Variants in NCKAP5 observed in about 807,000 individuals in gnomAD.
The protein encoded by NCKAP5 is NCK associated protein 5.
A neutral mutation model predicts 167.0 loss-of-function variants in NCKAP5; 92 were observed. The observed-to-expected ratio is 0.55, with a 90% CI of 0.47 to 0.66. NCKAP5 has a LOEUF of 0.66. NCKAP5 is among the 30% of genes least tolerant of loss of function. The pLI is 0.00. For missense variants in NCKAP5, 2,378 were observed against 2,315.0 expected, an observed-to-expected ratio of 1.03 and a Z score of -0.56; for synonymous variants, 891 against 877.4, an observed-to-expected ratio of 1.02 and a Z score of -0.27.
At chr2:133,470,306 T>G (rs957215085) in intron 3 of NCKAP5, among the ~76,000 whole-genome samples, 1 of 152,002 alleles carries the variant, frequency 6.6e-6, no homozygotes, top group African/African-American at 2.4e-5. Flanking sequence ...GGGGGGTGCC[T>G]CCCAGTTAGG....
intron 3 of NCKAP5, among the ~76,000 whole-genome samples, chr2:133,358,138 AT>A (rs1220789550): frequency 6.6e-6 from 1 of 152,058 alleles, no homozygotes; most frequent in Non-Finnish European, 1.5e-5. Context: ...ACATTTTATT[AT>A]TTGCTGCATT....
intron 8 of NCKAP5, among the ~76,000 whole-genome samples, chr2:132,908,962 A>G (rs756406953): frequency 6.6e-6 from 1 of 152,230 alleles, no homozygotes; most frequent in Non-Finnish European, 1.5e-5. Flanking sequence ...GAACAGTGTC[A>G]TAAGTTAAGT....
intron 3 of NCKAP5, among the ~76,000 whole-genome samples, chr2:133,459,715 C>T (rs571364320): frequency 2.6e-5 from 4 of 152,142 alleles, no homozygotes; most frequent in African/African-American, 9.7e-5. Flanking sequence ...CTAATCATTA[C>T]AGACAGCTTT....
At chr2:132,994,004 C>A (rs1286695967) in intron 7 of NCKAP5, 148 bp downstream of exon 7, 1 of 536,970 alleles carries the variant, frequency 1.9e-6, no homozygotes, top group African/African-American at 1.9e-5. Flanking sequence ...GTGTATGATT[C>A]CTCAAAACAG....
chr2:133,599,328 G>A, the NCKAP5 span, among the ~76,000 whole-genome samples: 3 of 152,226 alleles, frequency 2.0e-5, no homozygotes, highest in Non-Finnish European at 4.4e-5. Context: ...GAGGGGAAGA[G>A]TACGGAGATC....
At chr2:133,432,959 T>C (rs1416841194) in intron 3 of NCKAP5, among the ~76,000 whole-genome samples, 1 of 152,212 alleles carries the variant, frequency 6.6e-6, no homozygotes, top group Non-Finnish European at 1.5e-5. Flanking sequence ...ATATGTTAGA[T>C]TCCCAAAAGG....
At position 132,782,634 on chromosome 2, in the gene NCKAP5, G is replaced by C; in HGVS notation, c.4177C>G (p.Gln1393Glu). Reference sequence around the variant, plus strand: ...ACATTGGCACTGGGGCACTCTCCCTGGGTGAAGGCCTGCTGGTCTTCCTTT... The same window carrying C: ...ACATTGGCACTGGGGCACTCTCCCTCGGTGAAGGCCTGCTGGTCTTCCTTT... Reference protein sequence around the residue: ...PGKEDQQAFTQGECPSANVAV... With the variant: ...PGKEDQQAFTEGECPSANVAV... Residue 1393 changes from glutamine (Q) to glutamate (E), a missense_variant, in exon 14 of 20, where the codon CAG becomes GAG. This residue lies in a region of NCKAP5 where 1,325 missense variants were observed against 1,274.5 expected (regional missense o/e 1.04). Coordinates refer to ENST00000409261, the MANE Select transcript of NCKAP5 (RefSeq NM_207363.3). 1 of 1,605,820 alleles carries C rather than the reference G, an allele frequency of 6.2e-7. No individual in the cohort carries two copies. Among genetic ancestry groups the C allele is most frequent in the Non-Finnish European group, 8.5e-7 (1 of 1,175,956 alleles).
chr2:133,091,123 T>C (rs908233531), intron 6 of NCKAP5, among the ~76,000 whole-genome samples: 3 of 152,208 alleles, frequency 2.0e-5, no homozygotes, highest in Non-Finnish European at 4.4e-5. Flanking sequence ...CCTTCTGCCA[T>C]GATTGTGAGT....
At chr2:132,836,960 C>T (rs1687936020) in intron 11 of NCKAP5, among the ~76,000 whole-genome samples, 1 of 152,198 alleles carries the variant, frequency 6.6e-6, no homozygotes, top group Admixed American at 6.5e-5. Flanking sequence ...AGAAAAGGGA[C>T]ATGGGTGATT....
intron 4 of NCKAP5, among the ~76,000 whole-genome samples, chr2:133,219,668 A>C: frequency 6.6e-6 from 1 of 151,988 alleles, no homozygotes; most frequent in East Asian, 1.9e-4. Flanking sequence ...AAATATTTCA[A>C]GTCCTTGTGT....
chr2:132,771,594 C>A (rs1682052558), intron 16 of NCKAP5, among the ~76,000 whole-genome samples: 1 of 152,044 alleles, frequency 6.6e-6, no homozygotes. Flanking sequence ...TCACTCACCA[C>A]TCACTAACTA....
At chr2:133,129,623 G>T (rs1051394151) in intron 6 of NCKAP5, among the ~76,000 whole-genome samples, 7 of 152,072 alleles carry the variant, frequency 4.6e-5, no homozygotes, top group Non-Finnish European at 7.4e-5. Flanking sequence ...TAATGGGATG[G>T]CTGGGTCAAA....
chr2:132,792,935 A>G (rs1684187351), intron 12 of NCKAP5, among the ~76,000 whole-genome samples: 1 of 152,222 alleles, frequency 6.6e-6, no homozygotes, highest in African/African-American at 2.4e-5. Flanking sequence ...AGGACTCAGA[A>G]GATGGGCTGG....
At position 132,978,972 on chromosome 2, in the gene NCKAP5, T is replaced by G. The variant is rs9967737; in HGVS notation, c.430-15103A>C. Reference sequence around the variant, plus strand: ...GGGAGAGTCAGAAGCAATTATGGTTTGGGCCACTCTAGAAACTCAGCTCTA... The same window carrying G: ...GGGAGAGTCAGAAGCAATTATGGTTGGGGCCACTCTAGAAACTCAGCTCTA... On this transcript the variant is annotated intron_variant, in intron 7 of 19. Coordinates refer to ENST00000409261, the MANE Select transcript of NCKAP5 (RefSeq NM_207363.3). 2.5e-3 allele frequency among the ~76,000 whole-genome samples: 382 copies of G among 151,882 alleles called. 1 individual carries two copies. Among genetic ancestry groups the G allele is most frequent in the African/African-American group, 8.6e-3 (357 of 41,386 alleles).
chr2:133,341,951 T>C (rs1232655344), intron 3 of NCKAP5, among the ~76,000 whole-genome samples: 1 of 152,292 alleles, frequency 6.6e-6, no homozygotes, highest in East Asian at 1.9e-4. Context: ...ACATTCTTTT[T>C]TTTTTGAGAC....
At chr2:132,919,213 G>A (rs1250997557) in intron 8 of NCKAP5, among the ~76,000 whole-genome samples, 1 of 152,170 alleles carries the variant, frequency 6.6e-6, no homozygotes, top group African/African-American at 2.4e-5. Context: ...CTTGGTCTGG[G>A]GGATGGAGAA....
intron 4 of NCKAP5, among the ~76,000 whole-genome samples, chr2:133,260,053 T>A (rs1156622221): frequency 2.6e-5 from 4 of 152,174 alleles, no homozygotes; most frequent in African/African-American, 9.7e-5. Flanking sequence ...GCAATGAGGA[T>A]GAGGCAGCCT....
intron 16 of NCKAP5, among the ~76,000 whole-genome samples, chr2:132,738,994 T>C (rs1691780933): frequency 6.6e-6 from 1 of 152,180 alleles, no homozygotes; most frequent in African/African-American, 2.4e-5. Flanking sequence ...AGGTGACAAA[T>C]ATCCAAACTA....
intron 5 of NCKAP5, among the ~76,000 whole-genome samples, chr2:133,146,613 C>G (rs1001755913): frequency 1.3e-5 from 2 of 152,022 alleles, no homozygotes; most frequent in Admixed American, 1.3e-4. Flanking sequence ...ATGGTGAATG[C>G]GAGGGGCAAG....
Sources: gnomAD v4.1 joint callset for allele counts (sites outside exome capture counted in the v4.1 genomes callset) on GRCh38, gnomAD v4.1.1 for gene constraint, gnomAD v4.1.1 regional missense constraint, MANE v1.5 for transcripts, NCBI Gene and HGNC (gene_info 2026-07-23, HGNC 2026-07-21) for gene names.